RFTN2: variants seen among roughly 807,000 people sequenced by gnomAD.
The protein encoded by RFTN2 is raftlin family member 2.
A neutral mutation model predicts 52.7 loss-of-function variants in RFTN2; 34 were observed. That is an observed-to-expected ratio of 0.64 (90% CI 0.49 to 0.86). The LOEUF (loss-of-function observed/expected upper bound fraction) is 0.86. Ranked by LOEUF, RFTN2 falls within the 40% of genes least tolerant of loss-of-function variation. The pLI, the probability that RFTN2 is intolerant of heterozygous loss-of-function variation, is 0.00. For missense variants in RFTN2, 536 were observed against 600.1 expected, an observed-to-expected ratio of 0.89 and a Z score of 1.12; for synonymous variants, 203 against 217.7, an observed-to-expected ratio of 0.93 and a Z score of 0.59.
At chr2:197,594,803 C>T (rs2087771418) in intron 8 of RFTN2, among the ~76,000 whole-genome samples, 1 of 152,218 alleles carries the variant, frequency 6.6e-6, no homozygotes, top group African/African-American at 2.4e-5. Flanking sequence ...TACCGATTTA[C>T]CTACTGACCC....
At chr2:197,584,807 A>AGTCCTCTAG (rs1445180067) in intron 8 of RFTN2, among the ~76,000 whole-genome samples, 1 of 152,176 alleles carries the variant, frequency 6.6e-6, no homozygotes, top group East Asian at 1.9e-4. Context: ...CCCAGACACC[A>AGTCCTCTAG]GTCCTCTAGG....
chr2:197,586,594 C>A (rs538265464), intron 8 of RFTN2, among the ~76,000 whole-genome samples: 13 of 152,112 alleles, frequency 8.5e-5, no homozygotes, highest in Non-Finnish European at 1.8e-4. Context: ...ATGACACTGA[C>A]ACGACAAAAA....
intron 5 of RFTN2, among the ~76,000 whole-genome samples, chr2:197,622,360 G>C (rs563542455): frequency 1.3e-5 from 2 of 152,004 alleles, no homozygotes; most frequent in Non-Finnish European, 2.9e-5. Flanking sequence ...GCTGGGGTGC[G>C]GTGGCATGAT....
chr2:197,575,015 C>T (rs532912600), intron 8 of RFTN2, among the ~76,000 whole-genome samples: 1 of 152,286 alleles, frequency 6.6e-6, no homozygotes, highest in South Asian at 2.1e-4. Flanking sequence ...TCACCCAAAT[C>T]TCATCTTGAA....
intron 1 of RFTN2, among the ~76,000 whole-genome samples, chr2:197,663,878 G>T (rs1370310338): frequency 6.6e-6 from 1 of 151,630 alleles, no homozygotes; most frequent in African/African-American, 2.4e-5. Flanking sequence ...GTTCTTTCAG[G>T]TACATTATTA....
chr2:197,598,726 G>A (rs1022700698), intron 7 of RFTN2, among the ~76,000 whole-genome samples: 84 of 152,114 alleles, frequency 5.5e-4, no homozygotes, highest in Non-Finnish European at 1.6e-4. Flanking sequence ...TGCCCAGGTG[G>A]CCCTGATGCA....
At chr2:197,643,520 C>T (rs375749730) in intron 3 of RFTN2, among the ~76,000 whole-genome samples, 1 of 152,288 alleles carries the variant, frequency 6.6e-6, no homozygotes, top group Admixed American at 6.5e-5. Flanking sequence ...TACCAACTGT[C>T]TCCTAATTAT....
At chr2:197,635,022 T>A (rs949025195) in intron 3 of RFTN2, among the ~76,000 whole-genome samples, 4 of 151,942 alleles carry the variant, frequency 2.6e-5, no homozygotes, top group Admixed American at 2.0e-4. Flanking sequence ...TTACTAAGAA[T>A]GATGATTTCC....
intron 8 of RFTN2, among the ~76,000 whole-genome samples, chr2:197,594,351 A>G (rs2087763784): frequency 6.6e-6 from 1 of 151,702 alleles, no homozygotes; most frequent in Admixed American, 6.6e-5. Flanking sequence ...TTTTTGAGAC[A>G]GGGTCTCACT....
intron 1 of RFTN2, among the ~76,000 whole-genome samples, chr2:197,650,162 C>A (rs1231173741): frequency 2.0e-5 from 3 of 151,732 alleles, no homozygotes; most frequent in African/African-American, 7.3e-5. Flanking sequence ...CCATTTTAAC[C>A]ATTTTTTAGT....
intron 8 of RFTN2, among the ~76,000 whole-genome samples, chr2:197,590,317 G>C (rs2106180455): frequency 6.6e-6 from 1 of 152,206 alleles, no homozygotes; most frequent in Non-Finnish European, 1.5e-5. Flanking sequence ...AGAAAACTGA[G>C]GTAGTAAATG....
intron 8 of RFTN2, among the ~76,000 whole-genome samples, chr2:197,586,267 CTCA>C (rs1378807837): frequency 1.3e-5 from 2 of 152,122 alleles, no homozygotes; most frequent in Admixed American, 6.5e-5. Flanking sequence ...TTTGTAGATA[CTCA>C]TCGTTTTCTC....
At chr2:197,607,475 T>TATAATAATAATA (rs67699316) in intron 7 of RFTN2, among the ~76,000 whole-genome samples, 1,615 of 147,542 alleles carry the variant, frequency 0.011, 12 homozygotes, top group Non-Finnish European at 0.011. Flanking sequence ...AAACTTGAAG[T>TATAATAATAATA]ATAATAATAA....
intron 8 of RFTN2, among the ~76,000 whole-genome samples, chr2:197,584,956 A>T (rs538298749): frequency 2.6e-5 from 4 of 152,152 alleles, no homozygotes; most frequent in African/African-American, 7.2e-5. Context: ...TGACCCCTCA[A>T]ACTCTACAAC....
At chr2:197,606,710 C>G (rs1010108762) in intron 7 of RFTN2, among the ~76,000 whole-genome samples, 6 of 151,136 alleles carry the variant, frequency 4.0e-5, no homozygotes, top group Non-Finnish European at 8.8e-5. Flanking sequence ...ATTTATGCAG[C>G]CAAAAAACAC....
intron 2 of RFTN2, among the ~76,000 whole-genome samples, chr2:197,645,592 G>T (rs1296190856): frequency 2.0e-5 from 3 of 152,186 alleles, no homozygotes; most frequent in Non-Finnish European, 4.4e-5. Flanking sequence ...AAAAATGGTT[G>T]CAGTATTGTT....
intron 5 of RFTN2, among the ~76,000 whole-genome samples, chr2:197,627,681 C>T (rs1215249706): frequency 6.6e-6 from 1 of 152,082 alleles, no homozygotes; most frequent in Non-Finnish European, 1.5e-5. Context: ...AGACTATGCT[C>T]TGGCGGTGGT....
intron 1 of RFTN2, among the ~76,000 whole-genome samples, chr2:197,662,666 T>C (rs1322703207): frequency 6.6e-6 from 1 of 152,190 alleles, no homozygotes; most frequent in Admixed American, 6.5e-5. Flanking sequence ...TGATAGGGAT[T>C]GAATGGAATC....
intron 8 of RFTN2, among the ~76,000 whole-genome samples, chr2:197,575,843 ATATT>A (rs2087406426): frequency 1.5e-5 from 2 of 136,336 alleles, no homozygotes; most frequent in South Asian, 2.2e-4. Context: ...TATATTATAT[ATATT>A]TTATATACAT....
Sources: gnomAD v4.1 joint callset for allele counts (sites outside exome capture counted in the v4.1 genomes callset) on GRCh38, gnomAD v4.1.1 for gene constraint, MANE v1.5 for transcripts, NCBI Gene and HGNC (gene_info 2026-07-23, HGNC 2026-07-21) for gene names.